ZFHX3: variants seen among roughly 807,000 people sequenced by gnomAD.
The protein encoded by ZFHX3 is zinc finger homeobox 3.
In ZFHX3, 42 loss-of-function variants were observed where a neutral mutation model predicts 279.1. That is an observed-to-expected ratio of 0.15 (90% CI 0.12 to 0.19). The LOEUF (loss-of-function observed/expected upper bound fraction) is 0.19. Ranked by LOEUF, ZFHX3 falls within the 10% of genes least tolerant of loss-of-function variation. The probability of loss-of-function intolerance (pLI) is 1.00; values close to 1 mark genes in which losing one functional copy is unlikely to be tolerated. For synonymous variants in ZFHX3, 2,293 were observed against 1,957.8 expected, an observed-to-expected ratio of 1.17 and a Z score of -4.52; for missense variants, 4,981 against 4,754.0, an observed-to-expected ratio of 1.05 and a Z score of -1.40.
rs146074936 is a variant in ZFHX3 at position 73,145,403 on chromosome 16, T to C, written c.-1103-1572A>G. Among the ~76,000 whole-genome samples, 30 of 152,308 alleles carry C rather than the reference T, an allele frequency of 2.0e-4. No homozygotes were observed. The East Asian group carries it at 5.8e-3, about 29-fold the overall frequency. The stretch of plus-strand genomic sequence containing the variant: ...AGTGTCAGCTAACACTGTTGTCAAA[T>C]TGCTGGGCTAAAAGACAATGGCAGC... On this transcript the variant is annotated intron_variant, in intron 5 of 17. Coordinates refer to the ZFHX3 transcript ENST00000641206.
At chr16:72,879,267 A>C (rs1443172520) in intron 4 of ZFHX3, among the ~76,000 whole-genome samples, 1 of 152,214 alleles carries the variant, frequency 6.6e-6, no homozygotes, top group Non-Finnish European at 1.5e-5. Flanking sequence ...AGTCCAGTCA[A>C]TCAGCTGGCC....
intron 3 of ZFHX3, among the ~76,000 whole-genome samples, chr16:73,415,225 C>T (rs779103859): frequency 9.9e-5 from 15 of 152,038 alleles, no homozygotes; most frequent in Non-Finnish European, 1.5e-4. Flanking sequence ...AATATCAATA[C>T]GAAGTGGTTC....
intron 5 of ZFHX3, among the ~76,000 whole-genome samples, chr16:72,829,037 G>A (rs1353438723): frequency 2.0e-5 from 3 of 148,736 alleles, no homozygotes; most frequent in Non-Finnish European, 4.5e-5. Context: ...ACTCTGTCGC[G>A]CAGGCTGGAG....
chr16:73,092,477 G>C (rs902183912), intron 8 of ZFHX3: 1 of 157,038 alleles, frequency 6.4e-6, no homozygotes, highest in Non-Finnish European at 1.4e-5. Flanking sequence ...CAACTGTGGG[G>C]AGAGCAAAGG....
intron 1 of ZFHX3, among the ~76,000 whole-genome samples, chr16:73,780,068 C>T (rs1171629325): frequency 1.4e-5 from 2 of 146,896 alleles, no homozygotes; most frequent in African/African-American, 2.5e-5. Context: ...CTTCTGCCAC[C>T]AGGGACTCCT....
intron 5 of ZFHX3, among the ~76,000 whole-genome samples, chr16:73,174,863 CAA>C (rs34447211): frequency 0.071 from 6,122 of 86,806 alleles, 263 homozygotes; most frequent in African/African-American, 0.15. Flanking sequence ...ACTAAAAATA[CAA>C]AAAAAAAAAA....
intron 2 of ZFHX3, chr16:73,486,999 G>GA (rs2018987191): frequency 2.9e-6 from 1 of 343,870 alleles, no homozygotes; most frequent in South Asian, 2.3e-5. Flanking sequence ...AACCTGCTTG[G>GA]AAAAATAAGA....
chr16:73,685,178 G>A (rs904615642), intron 1 of ZFHX3, among the ~76,000 whole-genome samples: 7 of 150,454 alleles, frequency 4.7e-5, no homozygotes, highest in Admixed American at 1.3e-4. Context: ...CCACGCCCCT[G>A]GCTAATTTTC....
intron 5 of ZFHX3, among the ~76,000 whole-genome samples, chr16:72,824,192 T>C (rs1717801070): frequency 6.6e-6 from 1 of 152,168 alleles, no homozygotes; most frequent in African/African-American, 2.4e-5. Context: ...AGCCATACGC[T>C]ATACATTTAT....
At chr16:73,789,340 C>A (rs556580831) in intron 1 of ZFHX3, among the ~76,000 whole-genome samples, 6 of 151,850 alleles carry the variant, frequency 4.0e-5, no homozygotes, top group Admixed American at 3.9e-4. Flanking sequence ...GTCAGCACAC[C>A]CGGCTAATTT....
intron 5 of ZFHX3, among the ~76,000 whole-genome samples, chr16:73,222,536 GAA>G (rs1387491881): frequency 6.6e-6 from 1 of 151,990 alleles, no homozygotes; most frequent in East Asian, 1.9e-4. Context: ...TCTAGATGAG[GAA>G]AACCACAAAA....
At chr16:73,571,306 T>C (rs1200586142) in intron 2 of ZFHX3, among the ~76,000 whole-genome samples, 1 of 148,116 alleles carries the variant, frequency 6.8e-6, no homozygotes, top group South Asian at 2.1e-4. Context: ...GCTCAGATAG[T>C]ATTAAAGTAA....
chr16:73,411,065 G>A (rs1254175853), intron 3 of ZFHX3, among the ~76,000 whole-genome samples: 1 of 152,190 alleles, frequency 6.6e-6, no homozygotes, highest in Non-Finnish European at 1.5e-5. Context: ...GAGCACTTCT[G>A]AATATGTCAC....
rs1054293085 is a variant in ZFHX3 at position 72,850,209 on chromosome 16, C to T, written c.3449-20350G>A. Among the ~76,000 whole-genome samples the T allele has an allele frequency of 3.3e-5, 5 of 152,220 alleles. No individual in the cohort carries two copies. The South Asian group carries it at 1.0e-3, about 32-fold the overall frequency. ...CCTTCCTGACCCCAGCCTCCCCAAG[C>T]CACAGTCACACCTACTGTCACACCT... On this transcript the variant is annotated intron_variant, in intron 4 of 9. Transcript: ENST00000268489.
chr16:73,378,633 T>G (rs1322452429), intron 3 of ZFHX3, among the ~76,000 whole-genome samples: 2 of 152,190 alleles, frequency 1.3e-5, no homozygotes, highest in African/African-American at 4.8e-5. Flanking sequence ...TAACCAGAGG[T>G]TGATCTGCAC....
intron 4 of ZFHX3, among the ~76,000 whole-genome samples, chr16:72,837,474 ATTTTTTT>A (rs761762599): frequency 4.8e-5 from 6 of 125,190 alleles, no homozygotes; most frequent in African/African-American, 1.2e-4. Context: ...TCCAATGATG[ATTTTTTT>A]TTTTTTTTTT....
chr16:73,062,400 G>A (rs544954121), upstream of ZFHX3: 1 of 152,302 alleles, frequency 6.6e-6, no homozygotes, highest in African/African-American at 2.4e-5. Flanking sequence ...CAGGTACTGG[G>A]CAGAGCTGTG....
intron 2 of ZFHX3, among the ~76,000 whole-genome samples, chr16:73,593,673 A>G (rs578004483): frequency 6.6e-6 from 1 of 152,324 alleles, no homozygotes; most frequent in East Asian, 1.9e-4. Flanking sequence ...TATGACATAT[A>G]TAAAGACTGT....
chr16:73,246,999 C>T (rs1390977187), intron 5 of ZFHX3, among the ~76,000 whole-genome samples: 5 of 152,120 alleles, frequency 3.3e-5, no homozygotes, highest in Admixed American at 6.6e-5. Flanking sequence ...GTATGTGACA[C>T]GTCTGTGTGC....
Sources: gnomAD v4.1 joint callset for allele counts (sites outside exome capture counted in the v4.1 genomes callset) on GRCh38, gnomAD v4.1.1 for gene constraint, MANE v1.5 for transcripts, NCBI Gene and HGNC (gene_info 2026-07-23, HGNC 2026-07-21) for gene names.